The following DGKG variants were observed in gnomAD, a reference collection of about 807,000 sequenced individuals.
The protein encoded by DGKG is DAG kinase gamma.
In DGKG, 78 loss-of-function variants were observed where a neutral mutation model predicts 105.3. The observed-to-expected ratio is 0.74, with a 90% CI of 0.62 to 0.89. DGKG has a LOEUF of 0.89. DGKG is among the 40% of genes least tolerant of loss of function. DGKG has a pLI of 0.00. For missense variants in DGKG, 958 were observed against 1,020.1 expected (o/e 0.94, Z 0.83); for synonymous variants, 346 against 367.1 (o/e 0.94, Z 0.66).
Position 186,252,495 on chromosome 3 carries a change from G to A in DGKG, c.1601-576C>T, listed in dbSNP as rs143577296. On this transcript the variant is annotated intron_variant, in intron 18 of 24. Transcript: ENST00000265022. ...CTCCATTTTCTGGCGCATGTCCAAC[G>A]CCATGGGGGCTACTGCAGTTTGCAA... is the stretch of plus-strand genomic sequence containing the variant. Among the ~76,000 whole-genome samples, 23 of 152,312 alleles carry A rather than the reference G, an allele frequency of 1.5e-4. No homozygotes were observed. In the East Asian group the frequency reaches 3.3e-3, roughly 22 times the overall value.
At chr3:186,286,242 T>G (rs1326082366) in intron 6 of DGKG, among the ~76,000 whole-genome samples, 1 of 152,144 alleles carries the variant, frequency 6.6e-6, no homozygotes, top group African/African-American at 2.4e-5. Flanking sequence ...CCTCAGAAGG[T>G]CCCAGTCAGA....
At chr3:186,324,818 T>C (rs182825879) in intron 1 of DGKG, among the ~76,000 whole-genome samples, 1 of 152,326 alleles carries the variant, frequency 6.6e-6, no homozygotes, top group East Asian at 1.9e-4. Context: ...TCCCATGCAA[T>C]GCAGCAATCC....
chr3:186,188,151 C>G (rs1717730868), intron 22 of DGKG, 51 bp downstream of exon 22: 1 of 1,598,320 alleles, frequency 6.3e-7, no homozygotes. Context: ...CACCTGAGGG[C>G]ACCTACTACT....
intron 17 of DGKG, among the ~76,000 whole-genome samples, chr3:186,256,183 G>A (rs921114733): frequency 3.3e-5 from 5 of 152,178 alleles, no homozygotes; most frequent in African/African-American, 4.8e-5. Flanking sequence ...GGTGACAGGA[G>A]AGCGTGGGTG....
At chr3:186,313,574 TG>T in intron 2 of DGKG, 2 of 952,612 alleles carry the variant, frequency 2.1e-6, no homozygotes, top group Non-Finnish European at 2.5e-6. Context: ...GTGTGGTCCC[TG>T]GACCAGCAGC....
At chr3:186,230,041 C>CTT (rs1720070705) in intron 20 of DGKG, among the ~76,000 whole-genome samples, 2 of 152,084 alleles carry the variant, frequency 1.3e-5, no homozygotes, top group Admixed American at 6.5e-5. Flanking sequence ...GGGCGGATCA[C>CTT]GAGGTCAGGA....
At chr3:186,248,792 C>T (rs1181435045) in intron 19 of DGKG, among the ~76,000 whole-genome samples, 1 of 152,162 alleles carries the variant, frequency 6.6e-6, no homozygotes, top group Admixed American at 6.5e-5. Flanking sequence ...TATTATGATT[C>T]CAAGCTCTGC....
At chr3:186,213,023 C>G (rs1467891951) in intron 20 of DGKG, among the ~76,000 whole-genome samples, 1 of 152,172 alleles carries the variant, frequency 6.6e-6, no homozygotes, top group African/African-American at 2.4e-5. Flanking sequence ...AGACACAACT[C>G]TTTTCTGCAG....
chr3:186,311,234 C>A lies in DGKG; in HGVS notation c.68-4257G>T, dbSNP rs1054421938. 9.2e-5 allele frequency among the ~76,000 whole-genome samples: 14 copies of A among 152,264 alleles called. 2 individuals are homozygous for A. The South Asian group carries it at 2.5e-3, about 27-fold the overall frequency. On this transcript the variant is annotated intron_variant, in intron 2 of 24. Coordinates refer to ENST00000265022, the MANE Select transcript of DGKG (RefSeq NM_001346.3). ...GATGTACAGTCAAGGTTGAGGACTG[C>A]CATTCTAGGACATGATTTTATTGTT...
intron 2 of DGKG, among the ~76,000 whole-genome samples, chr3:186,308,874 C>T (rs1301389720): frequency 6.6e-6 from 1 of 152,156 alleles, no homozygotes; most frequent in Non-Finnish European, 1.5e-5. Flanking sequence ...AGACCTTCAC[C>T]TGCATAGTCT....
chr3:186,322,719 T>C (rs981486155), intron 1 of DGKG, among the ~76,000 whole-genome samples: 14 of 152,144 alleles, frequency 9.2e-5, no homozygotes, highest in Non-Finnish European at 1.8e-4. Context: ...GCTCTCTCCT[T>C]GGTCTGAATC....
chr3:186,235,008 C>T (rs761841570), intron 20 of DGKG, among the ~76,000 whole-genome samples: 5 of 152,240 alleles, frequency 3.3e-5, no homozygotes, highest in Admixed American at 1.3e-4. Context: ...AAACCCTGGA[C>T]TTCTGCATTT....
At chr3:186,351,651 G>T (rs1490536512) in intron 1 of DGKG, among the ~76,000 whole-genome samples, 4 of 152,200 alleles carry the variant, frequency 2.6e-5, no homozygotes, top group Admixed American at 6.5e-5. Flanking sequence ...TTCTTGACAG[G>T]TACATTAGTT....
intron 1 of DGKG, among the ~76,000 whole-genome samples, chr3:186,333,365 T>G (rs1725688498): frequency 6.6e-6 from 1 of 152,124 alleles, no homozygotes; most frequent in African/African-American, 2.4e-5. Context: ...CTGGAGCTAT[T>G]TCTTTTTCTT....
At chr3:186,293,762 G>C (rs987321963) in intron 5 of DGKG, among the ~76,000 whole-genome samples, 1 of 152,214 alleles carries the variant, frequency 6.6e-6, no homozygotes, top group African/African-American at 2.4e-5. Flanking sequence ...AACAGGAAAA[G>C]GCTGGTCTTT....
At chr3:186,183,851 T>C (rs1717484449) in intron 22 of DGKG, among the ~76,000 whole-genome samples, 2 of 152,154 alleles carry the variant, frequency 1.3e-5, no homozygotes, top group African/African-American at 4.8e-5. Context: ...ATTACTGGCA[T>C]GCGCCACCAC....
chr3:186,299,447 T>A (rs1723763985), intron 3 of DGKG, among the ~76,000 whole-genome samples: 1 of 152,182 alleles, frequency 6.6e-6, no homozygotes, highest in Non-Finnish European at 1.5e-5. Flanking sequence ...TAAATTTCTG[T>A]TTAGCACCAG....
chr3:186,352,086 A>G (rs571621542), intron 1 of DGKG, among the ~76,000 whole-genome samples: 16 of 151,634 alleles, frequency 1.1e-4, no homozygotes, highest in Non-Finnish European at 1.5e-4. Flanking sequence ...GCCCCTCCCC[A>G]CTCCCCCCAG....
At chr3:186,169,724 A>C (rs1716731588) in intron 22 of DGKG, among the ~76,000 whole-genome samples, 1 of 152,226 alleles carries the variant, frequency 6.6e-6, no homozygotes, top group Non-Finnish European at 1.5e-5. Flanking sequence ...CACAAGTTCA[A>C]AATGAACTTC....
Sources: allele counts gnomAD v4.1 joint callset (sites outside exome capture counted in the v4.1 genomes callset), GRCh38; gene constraint gnomAD v4.1.1; transcripts MANE v1.5; gene names NCBI Gene and HGNC (gene_info 2026-07-23, HGNC 2026-07-21).